Variants in CPNE8 observed in about 807,000 individuals in gnomAD.
CPNE8 encodes copine 8.
Under a neutral mutation model 81.5 loss-of-function variants are expected in CPNE8, and 45 were observed. The ratio of observed to expected loss-of-function variants is 0.55; its 90% CI spans 0.44 to 0.71. The LOEUF (loss-of-function observed/expected upper bound fraction) is 0.71, where lower values mean the gene tolerates loss of function less well. Among genes scored for constraint, CPNE8 ranks in the 30% least tolerant of loss-of-function variants. The pLI is 0.00. For missense variants in CPNE8, 594 were observed against 672.1 expected, an observed-to-expected ratio of 0.88 and a Z score of 1.28; for synonymous variants, 252 against 226.3, an observed-to-expected ratio of 1.11 and a Z score of -1.02.
intron 19 of CPNE8, among the ~76,000 whole-genome samples, chr12:38,657,675 C>T (rs1297703217): frequency 6.6e-6 from 1 of 151,882 alleles, no homozygotes; most frequent in Non-Finnish European, 1.5e-5. Context: ...GACGAAGCTT[C>T]CAGAGGAAGG....
intron 19 of CPNE8, among the ~76,000 whole-genome samples, chr12:38,667,884 A>G (rs1591998322): frequency 6.6e-6 from 1 of 151,484 alleles, no homozygotes; most frequent in South Asian, 2.1e-4. Context: ...CGCAATCTCC[A>G]CCTCCTGGGC....
intron 1 of CPNE8, among the ~76,000 whole-genome samples, chr12:38,902,282 AGAAGGAAGGAAGGAAAGGAAG>A (rs1944478482): frequency 7.1e-6 from 1 of 141,012 alleles, no homozygotes; most frequent in Non-Finnish European, 1.5e-5. Context: ...AAGAAAAGAA[AGAAGGAAGGAAGGAAAGGAAG>A]GAAGGAAGGA....
At chr12:38,906,144 C>A (rs1421139758), upstream of CPNE8, 6 of 985,728 alleles carry the variant, frequency 6.1e-6, no homozygotes, top group Non-Finnish European at 1.2e-6. Context: ...GTTCTCACCT[C>A]GCCCTCGGAG....
chr12:38,906,648 C>T (rs2137180585), upstream of CPNE8: 4 of 976,230 alleles, frequency 4.1e-6, no homozygotes, highest in Non-Finnish European at 4.9e-6. Context: ...CATTCCAGGG[C>T]AGCAAGACTG....
At chr12:38,785,075 G>A (rs1372087437) in intron 6 of CPNE8, among the ~76,000 whole-genome samples, 1 of 151,742 alleles carries the variant, frequency 6.6e-6, no homozygotes, top group African/African-American at 2.4e-5. Flanking sequence ...CGTGCCTGTA[G>A]TTCCAGCTAT....
intron 13 of CPNE8, among the ~76,000 whole-genome samples, chr12:38,706,099 T>C (rs996563221): frequency 1.5e-4 from 23 of 151,746 alleles, no homozygotes; most frequent in African/African-American, 5.4e-4. Context: ...AACAACAGCA[T>C]TGGAATTTGA....
At chr12:38,741,826 GAA>G (rs200221013) in intron 10 of CPNE8, among the ~76,000 whole-genome samples, 1 of 151,770 alleles carries the variant, frequency 6.6e-6, no homozygotes, top group Non-Finnish European at 1.5e-5. Flanking sequence ...AAATTTGCAA[GAA>G]AAAAAACAAA....
chr12:38,883,098 T>G (rs1256134827), intron 1 of CPNE8, among the ~76,000 whole-genome samples: 1 of 152,196 alleles, frequency 6.6e-6, no homozygotes, highest in Non-Finnish European at 1.5e-5. Context: ...TTTAAATAAA[T>G]CATTTCACTT....
At chr12:38,890,945 GAGAA>G (rs1336859576) in intron 1 of CPNE8, among the ~76,000 whole-genome samples, 1 of 150,568 alleles carries the variant, frequency 6.6e-6, no homozygotes, top group African/African-American at 2.4e-5. Context: ...TTGAGAGAGA[GAGAA>G]AGAGTCTCAC....
At chr12:38,811,175 T>C (rs1942927402) in intron 6 of CPNE8, among the ~76,000 whole-genome samples, 1 of 152,022 alleles carries the variant, frequency 6.6e-6, no homozygotes, top group Non-Finnish European at 1.5e-5. Flanking sequence ...ATTCCATTCC[T>C]AGGCATATAA....
intron 6 of CPNE8, among the ~76,000 whole-genome samples, chr12:38,825,600 T>C (rs1221538722): frequency 1.3e-5 from 2 of 152,100 alleles, no homozygotes; most frequent in Admixed American, 6.5e-5. Context: ...GGTAAGGGAG[T>C]AAAATGCTAT....
intron 10 of CPNE8, among the ~76,000 whole-genome samples, chr12:38,750,719 T>C (rs547126767): frequency 2.6e-5 from 4 of 152,246 alleles, no homozygotes; most frequent in Non-Finnish European, 5.9e-5. Flanking sequence ...TCACTTGTTT[T>C]TTATTTTATA....
At chr12:38,890,424 C>T (rs1244752281) in intron 1 of CPNE8, among the ~76,000 whole-genome samples, 3 of 152,198 alleles carry the variant, frequency 2.0e-5, no homozygotes, top group Admixed American at 2.0e-4. Context: ...TTAACTTGAA[C>T]ATGTGTAAAC....
At chr12:38,786,470 G>T (rs554094274) in intron 6 of CPNE8, among the ~76,000 whole-genome samples, 20 of 152,234 alleles carry the variant, frequency 1.3e-4, no homozygotes, top group Admixed American at 1.2e-3. Flanking sequence ...TTTCTCTCCT[G>T]CTGGATACTT....
In CPNE8 at chr12:38,785,579, A is replaced by G. The variant is rs191558779; in HGVS notation, c.408-9278T>C. On this transcript the variant is annotated intron_variant, in intron 6 of 19. Coordinates refer to ENST00000331366, the MANE Select transcript of CPNE8 (RefSeq NM_153634.3). ...CCTGCACATATTCTCTCCATGTAAA[A>G]TATGACTTTGCTAATCATTCACCTT... Among the ~76,000 whole-genome samples, 611 of 152,306 alleles carry G rather than the reference A, an allele frequency of 4.0e-3. 5 individuals carry two copies. Among genetic ancestry groups the G allele is most frequent in the Admixed American group, 7.3e-3 (111 of 15,288 alleles).
At position 38,905,520 on chromosome 12, in the gene CPNE8, G is replaced by T; in HGVS notation, c.15C>A (p.Tyr5Ter). 1 of 1,566,664 alleles carries T rather than the reference G, an allele frequency of 6.4e-7. No homozygotes were observed. Among genetic ancestry groups the T allele is most frequent in the Non-Finnish European group, 8.7e-7 (1 of 1,155,730 alleles). ...AGTCCCCGATGCCCGCAGTGCTGTT[G>T]TAGCGGCTGTCCATATTGGGAGGAG... MDSR[Y>*]NSTAGIGDLN... Residue 5 changes from tyrosine (Y) to a stop codon, truncating the protein, a stop_gained, in exon 1 of 20, where the codon TAC (tyrosine) becomes TAA (stop). Coordinates refer to ENST00000331366, the MANE Select transcript of CPNE8 (RefSeq NM_153634.3). LOFTEE classifies it high-confidence loss of function.
At chr12:38,776,968 T>C (rs1941951102) in intron 6 of CPNE8, among the ~76,000 whole-genome samples, 2 of 152,096 alleles carry the variant, frequency 1.3e-5, no homozygotes, top group East Asian at 3.9e-4. Context: ...TTACTGTTTA[T>C]GTATTTTCTA....
At position 38,904,848 on chromosome 12, in the gene CPNE8, A is replaced by G. The variant is rs151008935; in HGVS notation, c.98+589T>C. On this transcript the variant is annotated intron_variant, in intron 1 of 19. Transcript: ENST00000331366. ...ATCAAAACAAAAGTCGTGACTTCCC[A>G]GATCTTAGGTAAGGCATAGATTCGT... 9.3e-3 allele frequency among the ~76,000 whole-genome samples: 1,411 copies of G among 152,202 alleles called. 19 individuals carry two copies. Among genetic ancestry groups the G allele is most frequent in the South Asian group, 0.038 (185 of 4,808 alleles).
chr12:38,757,488 T>TA (rs1415800145), intron 10 of CPNE8, among the ~76,000 whole-genome samples: 2 of 151,994 alleles, frequency 1.3e-5, no homozygotes, highest in Non-Finnish European at 2.9e-5. Context: ...ATCTGGATTT[T>TA]AAAAAACTTT....
Sources: gnomAD v4.1 joint callset for allele counts (sites outside exome capture counted in the v4.1 genomes callset) on GRCh38, gnomAD v4.1.1 for gene constraint, MANE v1.5 for transcripts, NCBI Gene and HGNC (gene_info 2026-07-23, HGNC 2026-07-21) for gene names.